GALNT13: variants seen among roughly 807,000 people sequenced by gnomAD.
The protein encoded by GALNT13 is UDP-GalNAc:polypeptide N-acetylgalactosaminyltransferase 13.
A neutral mutation model predicts 64.2 loss-of-function variants in GALNT13; 28 were observed. The observed-to-expected ratio is 0.44, with a 90% CI of 0.32 to 0.60. GALNT13 has a LOEUF of 0.60. Ranked by LOEUF, GALNT13 falls within the 20% of genes least tolerant of loss-of-function variation. GALNT13 has a pLI of 0.05. For missense variants in GALNT13, 577 were observed against 669.8 expected (o/e 0.86, Z 1.53); for synonymous variants, 214 against 224.6 (o/e 0.95, Z 0.42).
chr2:153,487,811 G>C, the GALNT13 span, among the ~76,000 whole-genome samples: 4 of 152,272 alleles, frequency 2.6e-5, no homozygotes, highest in African/African-American at 9.6e-5. Context: ...TTACAAGTTT[G>C]GGAACAATCA....
chr2:154,403,985 T>C (rs1699415962), intron 10 of GALNT13, among the ~76,000 whole-genome samples: 1 of 152,216 alleles, frequency 6.6e-6, no homozygotes, highest in Non-Finnish European at 1.5e-5. Context: ...ATTCAAATAG[T>C]TTCTAATTTA....
chr2:153,362,252 C>G, the GALNT13 span, among the ~76,000 whole-genome samples: 125,014 of 151,998 alleles, frequency 0.82, 52,317 homozygotes, highest in African/African-American at 0.9. Flanking sequence ...ACCAGTACCA[C>G]CCACTGCAAA....
chr2:153,259,140 G>A, the GALNT13 span, among the ~76,000 whole-genome samples: 2 of 152,028 alleles, frequency 1.3e-5, no homozygotes, highest in Non-Finnish European at 2.9e-5. Context: ...AAATTGTTAT[G>A]TCCTCTTGGT....
chr2:153,415,929 A>C, the GALNT13 span, among the ~76,000 whole-genome samples: 1 of 152,222 alleles, frequency 6.6e-6, no homozygotes, highest in Non-Finnish European at 1.5e-5. Context: ...AAAAGAAAAA[A>C]GTTCTGCCAT....
intron 1 of GALNT13, among the ~76,000 whole-genome samples, chr2:153,896,691 A>C (rs990226808): frequency 3.9e-5 from 6 of 152,014 alleles, no homozygotes; most frequent in Non-Finnish European, 7.4e-5. Context: ...CCCAGGTAAT[A>C]AGCATAGTAC....
At chr2:153,383,203 A>G in the GALNT13 span, among the ~76,000 whole-genome samples, 2 of 152,104 alleles carry the variant, frequency 1.3e-5, no homozygotes, top group Admixed American at 1.3e-4. Context: ...TCTGGGGGAA[A>G]AATACAGCAC....
the GALNT13 span, among the ~76,000 whole-genome samples, chr2:153,600,598 C>G: frequency 1.3e-5 from 2 of 151,918 alleles, no homozygotes; most frequent in African/African-American, 4.8e-5. Context: ...CTATGAGATC[C>G]TAATTGATCA....
intron 3 of GALNT13, among the ~76,000 whole-genome samples, chr2:154,051,444 C>G (rs1699611031): frequency 2.0e-5 from 3 of 151,384 alleles, no homozygotes; most frequent in South Asian, 4.2e-4. Flanking sequence ...GCGCCCGCCA[C>G]CGCGCCCGGC....
At chr2:153,623,197 G>A in the GALNT13 span, among the ~76,000 whole-genome samples, 1 of 152,104 alleles carries the variant, frequency 6.6e-6, no homozygotes, top group East Asian at 1.9e-4. Flanking sequence ...TCTTTTCACT[G>A]TAACCTATTA....
the GALNT13 span, among the ~76,000 whole-genome samples, chr2:153,211,324 G>T: frequency 4.6e-5 from 7 of 151,950 alleles, no homozygotes; most frequent in Non-Finnish European, 8.8e-5. Flanking sequence ...TTGTATTTTA[G>T]TAGAGGTAGA....
At chr2:154,420,566 T>C (rs959700175) in intron 11 of GALNT13, among the ~76,000 whole-genome samples, 1 of 152,100 alleles carries the variant, frequency 6.6e-6, no homozygotes, top group Admixed American at 6.6e-5. Context: ...TTTTATCATA[T>C]TTAATACTTT....
At chr2:153,981,032 C>G (rs1694425896) in intron 3 of GALNT13, among the ~76,000 whole-genome samples, 1 of 152,038 alleles carries the variant, frequency 6.6e-6, no homozygotes, top group Non-Finnish European at 1.5e-5. Flanking sequence ...TGGAAACTGT[C>G]TGCTACATTA....
chr2:153,322,957 A>T, the GALNT13 span, among the ~76,000 whole-genome samples: 4 of 152,176 alleles, frequency 2.6e-5, no homozygotes, highest in African/African-American at 9.7e-5. Flanking sequence ...TTCAATAAAC[A>T]TACGTGTGCA....
intron 3 of GALNT13, among the ~76,000 whole-genome samples, chr2:154,042,839 G>A (rs1455024818): frequency 6.6e-6 from 1 of 151,668 alleles, no homozygotes; most frequent in Non-Finnish European, 1.5e-5. Context: ...TTTCTACTAT[G>A]TTCCAGAGAC....
the GALNT13 span, among the ~76,000 whole-genome samples, chr2:153,114,215 C>T: frequency 6.6e-6 from 1 of 152,066 alleles, no homozygotes; most frequent in African/African-American, 2.4e-5. Flanking sequence ...AGATTATAGT[C>T]CCATGATCTC....
chr2:154,278,207 T>G (rs1691767410), intron 8 of GALNT13, among the ~76,000 whole-genome samples: 1 of 152,184 alleles, frequency 6.6e-6, no homozygotes, highest in South Asian at 2.1e-4. Context: ...AATTCCTAAA[T>G]TAAGATAAAA....
chr2:153,875,874 T>A (rs931074785), intron 1 of GALNT13, among the ~76,000 whole-genome samples: 4 of 152,200 alleles, frequency 2.6e-5, no homozygotes, highest in African/African-American at 7.2e-5. Context: ...TTAGACATGA[T>A]ATTTTAAAGA....
chr2:153,824,714 A>C, the GALNT13 span, among the ~76,000 whole-genome samples: 1 of 152,120 alleles, frequency 6.6e-6, no homozygotes, highest in African/African-American at 2.4e-5. Context: ...TAATGTTGAA[A>C]GTGGGGCCTG....
At chr2:153,235,021 C>T in the GALNT13 span, among the ~76,000 whole-genome samples, 2 of 152,070 alleles carry the variant, frequency 1.3e-5, no homozygotes, top group Non-Finnish European at 2.9e-5. Context: ...GATCTGTTAT[C>T]AGTGATCTCT....
Sources: gnomAD v4.1 joint callset for allele counts (sites outside exome capture counted in the v4.1 genomes callset) on GRCh38, gnomAD v4.1.1 for gene constraint, MANE v1.5 for transcripts, NCBI Gene and HGNC (gene_info 2026-07-23, HGNC 2026-07-21) for gene names.